Variants in RBFOX1 observed in about 807,000 individuals in gnomAD.
RBFOX1 encodes RNA binding protein fox-1 homolog 1.
Under a neutral mutation model 57.7 loss-of-function variants are expected in RBFOX1, and 8 were observed. That is an observed-to-expected ratio of 0.14 (90% CI 0.08 to 0.25). RBFOX1 has a LOEUF of 0.25. Among genes scored for constraint, RBFOX1 ranks in the 10% least tolerant of loss-of-function variants. The probability of loss-of-function intolerance (pLI) is 1.00; values close to 1 mark genes in which losing one functional copy is unlikely to be tolerated. For synonymous variants in RBFOX1, 326 were observed against 222.4 expected (o/e 1.47, Z -4.15); for missense variants, 611 against 548.5 (o/e 1.11, Z -1.14).
intron 14 of RBFOX1, among the ~76,000 whole-genome samples, 181 bp from the exon 15 acceptor site, chr16:7,708,875 G>A (rs2148570371): frequency 6.6e-6 from 1 of 152,162 alleles, no homozygotes; most frequent in Admixed American, 6.5e-5. Flanking sequence ...CATGTTAAAT[G>A]CACAAAAAAT....
At chr16:6,035,401 T>C (rs1421148957) in intron 1 of RBFOX1, among the ~76,000 whole-genome samples, 2 of 152,198 alleles carry the variant, frequency 1.3e-5, no homozygotes, top group African/African-American at 4.8e-5. Context: ...AACAAGACGG[T>C]ATTACTCAAA....
intron 1 of RBFOX1, among the ~76,000 whole-genome samples, chr16:6,106,085 T>A (rs1261916806): frequency 6.6e-6 from 1 of 152,118 alleles, no homozygotes; most frequent in Non-Finnish European, 1.5e-5. Context: ...TCAATGGCTC[T>A]TAAAAGTAAA....
chr16:5,473,605 G>A (rs1214729780), intron 2 of RBFOX1, among the ~76,000 whole-genome samples: 2 of 149,826 alleles, frequency 1.3e-5, no homozygotes, highest in Middle Eastern at 3.3e-3. Context: ...ACGTAAGGAA[G>A]GATGGGTGGA....
chr16:6,861,123 C>T (rs1023630776), intron 3 of RBFOX1, among the ~76,000 whole-genome samples: 17 of 152,136 alleles, frequency 1.1e-4, no homozygotes, highest in Admixed American at 5.2e-4. Context: ...GGTGGACATA[C>T]GGCATTTGCT....
intron 4 of RBFOX1, among the ~76,000 whole-genome samples, chr16:7,078,177 T>G (rs906242939): frequency 1.3e-5 from 2 of 152,296 alleles, no homozygotes; most frequent in East Asian, 3.9e-4. Flanking sequence ...GTCATCGTTT[T>G]CCTGCAGAAG....
intron 1 of RBFOX1, among the ~76,000 whole-genome samples, chr16:6,251,473 G>T (rs2097611245): frequency 1.3e-5 from 2 of 152,110 alleles, no homozygotes; most frequent in Non-Finnish European, 2.9e-5. Flanking sequence ...TCTTTTCATT[G>T]CAGCAGCCTA....
intron 1 of RBFOX1, among the ~76,000 whole-genome samples, chr16:5,294,639 T>C (rs1373944088): frequency 6.6e-6 from 1 of 152,106 alleles, no homozygotes; most frequent in East Asian, 1.9e-4. Flanking sequence ...CTAGGAACTA[T>C]TTCTGAACAC....
chr16:7,249,553 A>C (rs1013220880), intron 4 of RBFOX1, among the ~76,000 whole-genome samples: 22 of 151,908 alleles, frequency 1.4e-4, no homozygotes, highest in African/African-American at 5.3e-4. Context: ...TAGTTTTTTA[A>C]TATAGCTATA....
intron 1 of RBFOX1, among the ~76,000 whole-genome samples, chr16:6,157,122 A>C (rs2096844035): frequency 6.6e-6 from 1 of 152,136 alleles, no homozygotes; most frequent in Non-Finnish European, 1.5e-5. Context: ...GGTGTGAGCC[A>C]ACACCCCTCT....
intron 3 of RBFOX1, among the ~76,000 whole-genome samples, chr16:6,897,679 G>A (rs2067281614): frequency 6.6e-6 from 1 of 152,076 alleles, no homozygotes; most frequent in Admixed American, 6.5e-5. Context: ...TGTAATCACA[G>A]CCAGTTGGGA....
At chr16:5,540,107 C>G (rs1461667798) in intron 2 of RBFOX1, among the ~76,000 whole-genome samples, 3 of 152,080 alleles carry the variant, frequency 2.0e-5, no homozygotes, top group Non-Finnish European at 4.4e-5. Flanking sequence ...TATTAAATAG[C>G]AAGGGTGCTG....
At chr16:5,555,186 G>C (rs2045622300) in intron 2 of RBFOX1, among the ~76,000 whole-genome samples, 2 of 152,230 alleles carry the variant, frequency 1.3e-5, no homozygotes, top group Non-Finnish European at 2.9e-5. Flanking sequence ...ATTTGATTCA[G>C]TGGATAGAAT....
intron 1 of RBFOX1, among the ~76,000 whole-genome samples, chr16:6,101,534 T>C (rs972853273): frequency 6.6e-6 from 1 of 152,156 alleles, no homozygotes; most frequent in Non-Finnish European, 1.5e-5. Flanking sequence ...TTGCCTAGGC[T>C]GGAGTGCAAT....
chr16:6,655,069 C>G (rs959739896), intron 3 of RBFOX1, among the ~76,000 whole-genome samples: 1 of 151,600 alleles, frequency 6.6e-6, no homozygotes, highest in Non-Finnish European at 1.5e-5. Context: ...ATATCTGACT[C>G]ATACACTTGA....
At chr16:5,461,320 C>T (rs528779840) in intron 1 of RBFOX1, among the ~76,000 whole-genome samples, 56 of 152,310 alleles carry the variant, frequency 3.7e-4, no homozygotes, top group Middle Eastern at 6.8e-3. Flanking sequence ...CGCACTCTGC[C>T]GCCTCTGCCT....
chr16:5,952,970 G>A (rs965600867), intron 4 of RBFOX1, among the ~76,000 whole-genome samples: 2 of 152,150 alleles, frequency 1.3e-5, no homozygotes, highest in African/African-American at 4.8e-5. Flanking sequence ...CACTTCAGAT[G>A]TTAATATTAT....
chr16:5,775,203 G>A (rs1223907996), intron 3 of RBFOX1, among the ~76,000 whole-genome samples: 1 of 152,112 alleles, frequency 6.6e-6, no homozygotes, highest in East Asian at 1.9e-4. Context: ...CCCTAACGGG[G>A]GACATAGGAT....
chr16:5,847,174 G>GT, intron 3 of RBFOX1, among the ~76,000 whole-genome samples: 1 of 152,310 alleles, frequency 6.6e-6, no homozygotes, highest in East Asian at 1.9e-4. Flanking sequence ...AACTTGGTTG[G>GT]AGTGAGAAAT....
intron 4 of RBFOX1, among the ~76,000 whole-genome samples, chr16:5,918,852 A>G (rs1489256211): frequency 6.6e-6 from 1 of 152,286 alleles, no homozygotes; most frequent in South Asian, 2.1e-4. Flanking sequence ...GCAACACTTG[A>G]CTTTTCCTGG....
Sources: gnomAD v4.1 joint callset for allele counts (sites outside exome capture counted in the v4.1 genomes callset) on GRCh38, gnomAD v4.1.1 for gene constraint, MANE v1.5 for transcripts, NCBI Gene and HGNC (gene_info 2026-07-23, HGNC 2026-07-21) for gene names.